ATXN2: variants seen among roughly 807,000 people sequenced by gnomAD.
ATXN2 encodes the protein ataxin-2.
A neutral mutation model predicts 138.6 loss-of-function variants in ATXN2; 37 were observed. That is an observed-to-expected ratio of 0.27 (90% CI 0.21 to 0.35). The LOEUF is 0.35. Among genes scored for constraint, ATXN2 ranks in the 10% least tolerant of loss-of-function variants. The probability of loss-of-function intolerance (pLI) is 1.00; values close to 1 mark genes in which losing one functional copy is unlikely to be tolerated. For synonymous variants in ATXN2, 549 were observed against 543.7 expected, an observed-to-expected ratio of 1.01 and a Z score of -0.13; for missense variants, 1,216 against 1,480.3, an observed-to-expected ratio of 0.82 and a Z score of 2.93.
chr12:111,470,948 G>A, intron 18 of ATXN2: 1 of 577,904 alleles, frequency 1.7e-6, no homozygotes. Flanking sequence ...CCAAATCCCA[G>A]CTGGGATAAT....
At chr12:111,576,778 C>T (rs113485398) in intron 1 of ATXN2, among the ~76,000 whole-genome samples, 15,266 of 150,952 alleles carry the variant, frequency 0.1, 2,567 homozygotes, top group African/African-American at 0.35. Flanking sequence ...GATAACACGG[C>T]GAAACCCCAT....
In ATXN2 at chr12:111,510,586, G is replaced by A. The variant is rs369440499; in HGVS notation, c.1559-4C>T. The A allele has an allele frequency of 3.1e-6, 5 of 1,594,748 alleles. No individual in the cohort carries two copies. The highest frequency in any genetic ancestry group is 4.3e-6 in the Non-Finnish European group (5 of 1,166,800). Reference sequence around the variant, plus strand: ...GTTTTAGGGGATAATCTTGGAACTAGAAGAAAGGGAAAATGTATTTATTAC... The same window carrying A: ...GTTTTAGGGGATAATCTTGGAACTAAAAGAAAGGGAAAATGTATTTATTAC... On this transcript the variant is annotated splice_polypyrimidine_tract_variant and splice_region_variant and intron_variant, in intron 11 of 24. Coordinates refer to ENST00000673436, the MANE Select transcript of ATXN2 (RefSeq NM_001372574.1).
chr12:111,590,296 GA>G (rs1266142308), intron 1 of ATXN2, among the ~76,000 whole-genome samples: 2 of 152,042 alleles, frequency 1.3e-5, no homozygotes, highest in Non-Finnish European at 2.9e-5. Context: ...TAAAAACAAA[GA>G]AAAGAAAATA....
rs367953342 is a variant in ATXN2, at chr12:111,492,134, G to C, written c.1936-3354C>G. 3.9e-5 allele frequency among the ~76,000 whole-genome samples: 6 copies of C among 152,250 alleles called. 1 individual carries two copies. The South Asian group carries it at 1.2e-3, about 32-fold the overall frequency. ...AGTGACGGTGGCCATGGCAGTGCTT[G>C]TGTCACCCTTCCCCAAACTCCAAGC... On this transcript the variant is annotated intron_variant, in intron 14 of 24. Transcript: ENST00000673436.
In ATXN2 at chr12:111,457,188, C is replaced by T. The variant is rs1456686064; in HGVS notation, c.3042+26G>A. On this transcript the variant is annotated intron_variant, in intron 22 of 24. Coordinates refer to ENST00000673436, the MANE Select transcript of ATXN2 (RefSeq NM_001372574.1). ...AGATACTAGGATAAAGAAGCCACTC[C>T]ATGCAGACCTCTGAGTTGCCCTTAC... The T allele has an allele frequency of 1.9e-6, 3 of 1,595,608 alleles. No individual in the cohort carries two copies. In the African/African-American group the frequency reaches 4.1e-5, roughly 22 times the overall value.
At chr12:111,531,073 G>A (rs979520424) in intron 5 of ATXN2, among the ~76,000 whole-genome samples, 2 of 151,866 alleles carry the variant, frequency 1.3e-5, no homozygotes, top group African/African-American at 2.4e-5. Flanking sequence ...AGCCGAGATC[G>A]CACCATTGCA....
Position 111,488,333 on chromosome 12 carries a change from ACTAG to A in ATXN2, c.2240+139_2240+142del. On this transcript the variant is annotated intron_variant, in intron 15 of 24. Transcript: ENST00000673436. ...TTTACTTAAGATGTCATTTGTTTGG[ACTAG>A]CTGTTTGTAAACTAAGGGCAATGTA... is the stretch of plus-strand genomic sequence containing the variant. The A allele has an allele frequency of 5.2e-6, 4 of 770,418 alleles. No homozygotes were observed. In the South Asian group the frequency reaches 8.7e-5, roughly 17 times the overall value. 47.7% of individuals were successfully genotyped at this position (770,418 alleles called of 1,614,324 possible).
chr12:111,491,112 A>G (rs1448754852), intron 14 of ATXN2, among the ~76,000 whole-genome samples: 1 of 152,008 alleles, frequency 6.6e-6, no homozygotes, highest in Non-Finnish European at 1.5e-5. Context: ...AATTAGCCAG[A>G]GGTGGTAGCG....
At chr12:111,560,766 A>G (rs1397692765) in intron 1 of ATXN2, among the ~76,000 whole-genome samples, 1 of 150,086 alleles carries the variant, frequency 6.7e-6, no homozygotes, top group Non-Finnish European at 1.5e-5. Flanking sequence ...CAAAAAAAAA[A>G]ACGACAAGCT....
At position 111,570,275 on chromosome 12, in the gene ATXN2, T is replaced by C. The variant is rs570387018; in HGVS notation, c.252-14356A>G. Among the ~76,000 whole-genome samples the C allele has an allele frequency of 3.9e-5, 6 of 152,246 alleles. No homozygotes were observed. The South Asian group carries it at 8.3e-4, about 21-fold the overall frequency. On this transcript the variant is annotated intron_variant, in intron 1 of 24. Coordinates refer to ENST00000673436, the MANE Select transcript of ATXN2 (RefSeq NM_001372574.1). ...CTTTCTGGAGGCCACAAAACAATTG[T>C]ATTCCCCTTCAAAAGACTATCAGTG...
intron 3 of ATXN2, among the ~76,000 whole-genome samples, chr12:111,553,881 G>A (rs1245873296): frequency 2.6e-5 from 4 of 151,998 alleles, no homozygotes; most frequent in East Asian, 1.9e-4. Context: ...GATTACAGGC[G>A]TGAGTCACTG....
chr12:111,519,563 C>G (rs1051851463), intron 8 of ATXN2, among the ~76,000 whole-genome samples: 6 of 152,162 alleles, frequency 3.9e-5, no homozygotes, highest in African/African-American at 1.4e-4. Flanking sequence ...TTTGAACATG[C>G]CTTTAACCAA....
intron 6 of ATXN2, among the ~76,000 whole-genome samples, 169 bp from the exon 7 acceptor site, chr12:111,521,142 A>G (rs377049079): frequency 1.3e-5 from 2 of 152,368 alleles, no homozygotes; most frequent in South Asian, 4.1e-4. Context: ...AATACTTATC[A>G]GCCCCTCCAG....
At chr12:111,578,821 A>G (rs1250118736) in intron 1 of ATXN2, among the ~76,000 whole-genome samples, 2 of 152,146 alleles carry the variant, frequency 1.3e-5, no homozygotes, top group Admixed American at 6.6e-5. Context: ...TAGATGAATC[A>G]CTTGAGCCCA....
At chr12:111,573,885 T>C (rs560202509) in intron 1 of ATXN2, among the ~76,000 whole-genome samples, 23 of 150,204 alleles carry the variant, frequency 1.5e-4, no homozygotes, top group South Asian at 8.3e-4. Flanking sequence ...TTTTTTTTTT[T>C]CCAGAAAAAA....
At chr12:111,497,624 A>AT (rs1878501369) in intron 14 of ATXN2, among the ~76,000 whole-genome samples, 1 of 150,786 alleles carries the variant, frequency 6.6e-6, no homozygotes, top group Non-Finnish European at 1.5e-5. Context: ...AAGACTAAAA[A>AT]ATATATATAT....
At chr12:111,585,868 G>A (rs1592931396) in intron 1 of ATXN2, among the ~76,000 whole-genome samples, 1 of 143,286 alleles carries the variant, frequency 7.0e-6, no homozygotes, top group African/African-American at 2.5e-5. Context: ...TCTTGTGTCT[G>A]TTTTTTAGTA....
At chr12:111,585,792 A>C (rs1884289818) in intron 1 of ATXN2, among the ~76,000 whole-genome samples, 1 of 119,160 alleles carries the variant, frequency 8.4e-6, no homozygotes, top group African/African-American at 3.2e-5. Context: ...CAAGAGCAAA[A>C]CTCCATCTCA....
intron 5 of ATXN2, among the ~76,000 whole-genome samples, chr12:111,538,395 T>C (rs1881308876): frequency 6.6e-6 from 1 of 152,100 alleles, no homozygotes; most frequent in Admixed American, 6.5e-5. Context: ...TAACCTTTTT[T>C]TTTTTGAAAC....
Sources: gnomAD v4.1 joint callset for allele counts (sites outside exome capture counted in the v4.1 genomes callset) on GRCh38, gnomAD v4.1.1 for gene constraint, MANE v1.5 for transcripts, NCBI Gene and HGNC (gene_info 2026-07-23, HGNC 2026-07-21) for gene names.